SORCS2: variants seen among roughly 807,000 people sequenced by gnomAD.
SORCS2 encodes sortilin related VPS10 domain containing receptor 2.
In SORCS2, 100 loss-of-function variants were observed where a neutral mutation model predicts 141.6. The observed-to-expected ratio is 0.71, with a 90% CI of 0.60 to 0.83. The LOEUF is 0.83. SORCS2 is among the 40% of genes least tolerant of loss of function. The pLI is 0.00. For synonymous variants in SORCS2, 789 were observed against 676.9 expected, an observed-to-expected ratio of 1.17 and a Z score of -2.57; for missense variants, 1,646 against 1,560.2, an observed-to-expected ratio of 1.05 and a Z score of -0.93.
intron 10 of SORCS2, among the ~76,000 whole-genome samples, chr4:7,685,747 G>T (rs1006088449): frequency 8.6e-5 from 13 of 151,836 alleles, no homozygotes; most frequent in Admixed American, 2.0e-4. Context: ...TGTGTGTGTG[G>T]CCATGGCATC....
intron 3 of SORCS2, among the ~76,000 whole-genome samples, chr4:7,635,518 C>T (rs1377540124): frequency 6.6e-6 from 1 of 152,174 alleles, no homozygotes; most frequent in Non-Finnish European, 1.5e-5. Flanking sequence ...CCTATTTGTC[C>T]ACTCATTTGT....
chr4:7,426,193 G>A (rs538263918), intron 2 of SORCS2, among the ~76,000 whole-genome samples: 2 of 152,228 alleles, frequency 1.3e-5, no homozygotes, highest in Non-Finnish European at 2.9e-5. Context: ...GCGGGCCAGG[G>A]CCTGTGTTTT....
chr4:7,640,193 A>AGT (rs145340682), intron 4 of SORCS2, among the ~76,000 whole-genome samples: 142,858 of 150,210 alleles, frequency 0.95, 67,977 homozygotes, highest in East Asian at 1. Context: ...AGCCTATGTG[A>AGT]GTGTGAGTGT....
intron 3 of SORCS2, among the ~76,000 whole-genome samples, chr4:7,581,106 G>T (rs1487642645): frequency 6.7e-6 from 1 of 148,876 alleles, no homozygotes; most frequent in Non-Finnish European, 1.5e-5. Flanking sequence ...CCTGAGAAAT[G>T]AAAAGTGATA....
chr4:7,621,643 G>A (rs1413818044), intron 3 of SORCS2, among the ~76,000 whole-genome samples: 1 of 152,132 alleles, frequency 6.6e-6, no homozygotes. Context: ...TGAAATCAGA[G>A]GTGGTGAAAC....
intron 3 of SORCS2, among the ~76,000 whole-genome samples, chr4:7,543,643 TCCGTCCATCCATCCAC>T (rs1712908676): frequency 1.1e-5 from 1 of 92,140 alleles, no homozygotes; most frequent in Non-Finnish European, 2.3e-5. Context: ...CATCCGTCCA[TCCGTCCATCCATCCAC>T]CCACCCATCC....
chr4:7,732,872 C>T (rs771641831), intron 23 of SORCS2, among the ~76,000 whole-genome samples: 58 of 152,042 alleles, frequency 3.8e-4, no homozygotes, highest in Non-Finnish European at 7.8e-4. Context: ...AGGAGGACAC[C>T]GAGGCTCAGC....
At position 7,531,593 on chromosome 4, in the gene SORCS2, C is replaced by G; in HGVS notation, c.612C>G (p.Ile204Met). 4 of 1,613,862 alleles carry G rather than the reference C, an allele frequency of 2.5e-6. No individual in the cohort carries two copies. The highest frequency in any genetic ancestry group is 3.4e-6 in the Non-Finnish European group (4 of 1,179,836). The change falls in exon 3 of 27, where the codon ATC becomes ATG. Residue 204 changes from isoleucine to methionine, a missense_variant. Transcript: ENST00000507866. The stretch of plus-strand genomic sequence containing the variant: ...TCCAGCCTGGTGTCACCACCGTCAT[C>G]GACAATTTCTACATCTGCCCGACCA... ...LTLQPGVTTVIDNFYICPTNK... is the reference protein window; with the variant it reads ...LTLQPGVTTVMDNFYICPTNK...
chr4:7,546,907 G>A (rs950074341), intron 3 of SORCS2, among the ~76,000 whole-genome samples: 6 of 152,194 alleles, frequency 3.9e-5, no homozygotes, highest in Admixed American at 2.0e-4. Context: ...TAGAAAGCCC[G>A]AAAGATCATT....
intron 1 of SORCS2, among the ~76,000 whole-genome samples, chr4:7,325,918 A>G (rs7695572): frequency 0.68 from 98,539 of 145,642 alleles, 33,732 homozygotes; most frequent in Non-Finnish European, 0.78. Flanking sequence ...GGGGGTTGGT[A>G]CGCGGTACAG....
At chr4:7,527,525 A>G (rs58307181) in intron 2 of SORCS2, among the ~76,000 whole-genome samples, 4,760 of 152,284 alleles carry the variant, frequency 0.031, 234 homozygotes, top group African/African-American at 0.11. Flanking sequence ...GAGACAGGGC[A>G]TGGGTTCTCC....
intron 1 of SORCS2, among the ~76,000 whole-genome samples, chr4:7,237,328 C>T (rs1712353442): frequency 6.6e-6 from 1 of 152,168 alleles, no homozygotes; most frequent in African/African-American, 2.4e-5. Flanking sequence ...AGGCTTTATG[C>T]TCCTGGTGGC....
chr4:7,472,121 T>A (rs1730014950), intron 2 of SORCS2, among the ~76,000 whole-genome samples: 1 of 152,222 alleles, frequency 6.6e-6, no homozygotes, highest in Non-Finnish European at 1.5e-5. Flanking sequence ...TCAGGAGTGC[T>A]CTGTGCTGTT....
chr4:7,650,887 G>C (rs1386176803), intron 4 of SORCS2, among the ~76,000 whole-genome samples: 3 of 152,048 alleles, frequency 2.0e-5, no homozygotes, highest in Admixed American at 2.0e-4. Context: ...CTATAACAAG[G>C]ACTTCAGCAT....
intron 2 of SORCS2, among the ~76,000 whole-genome samples, chr4:7,524,724 C>T (rs1205468345): frequency 6.6e-6 from 1 of 152,016 alleles, no homozygotes; most frequent in Non-Finnish European, 1.5e-5. Context: ...CATCTCTCTT[C>T]CCACCGGCCT....
intron 1 of SORCS2, among the ~76,000 whole-genome samples, chr4:7,203,423 CA>C (rs930010372): frequency 1.4e-5 from 2 of 147,948 alleles, no homozygotes; most frequent in South Asian, 2.2e-4. Flanking sequence ...GACTCCGCCT[CA>C]AAAAAAATTC....
At chr4:7,558,403 TG>T (rs1714287762) in intron 3 of SORCS2, among the ~76,000 whole-genome samples, 1 of 152,062 alleles carries the variant, frequency 6.6e-6, no homozygotes, top group East Asian at 1.9e-4. Context: ...AAGTGTCCCT[TG>T]GGGGCAAAAC....
chr4:7,659,946 C>G (rs1722043224), intron 5 of SORCS2, among the ~76,000 whole-genome samples: 4 of 152,226 alleles, frequency 2.6e-5, no homozygotes, highest in South Asian at 2.1e-4. Flanking sequence ...GTGGATCTTG[C>G]TCTACTAGCT....
At chr4:7,564,866 C>G (rs1272947449) in intron 3 of SORCS2, among the ~76,000 whole-genome samples, 2 of 151,996 alleles carry the variant, frequency 1.3e-5, no homozygotes, top group East Asian at 3.9e-4. Flanking sequence ...AGCTGTCTGG[C>G]TTTTTTTTGT....
Sources: gnomAD v4.1 joint callset for allele counts (sites outside exome capture counted in the v4.1 genomes callset) on GRCh38, gnomAD v4.1.1 for gene constraint, MANE v1.5 for transcripts, NCBI Gene and HGNC (gene_info 2026-07-23, HGNC 2026-07-21) for gene names.